The following C10orf90 variants were observed in gnomAD, a reference collection of about 807,000 sequenced individuals.
C10orf90 encodes (E2-independent) E3 ubiquitin-conjugating enzyme FATS.
C10orf90 carries 56 observed loss-of-function variants against 62.5 expected under a neutral mutation model. That is an observed-to-expected ratio of 0.90 (90% CI 0.72 to 1.12). The LOEUF (loss-of-function observed/expected upper bound fraction) is 1.12. C10orf90 is among the 50% of genes most tolerant of loss of function. C10orf90 has a pLI of 0.00. For missense variants in C10orf90, 970 were observed against 880.4 expected (o/e 1.10, Z -1.29); for synonymous variants, 386 against 340.4 (o/e 1.13, Z -1.47).
Position 126,454,059 on chromosome 10 carries a change from G to A in C10orf90, c.2188+4981C>T, listed in dbSNP as rs1590930550. The stretch of plus-strand genomic sequence containing the variant: ...CCAGGGCCAGGTTCGAGGAGCTGCA[G>A]TGGGCACAGGATACAGGCACAATTG... On this transcript the variant is annotated intron_variant, in intron 7 of 9. Transcript: ENST00000488181. Among the ~76,000 whole-genome samples, 4 of 152,174 alleles carry A rather than the reference G, an allele frequency of 2.6e-5. No individual in the cohort carries two copies. The South Asian group carries it at 8.3e-4, about 32-fold the overall frequency.
At chr10:126,487,142 CAAAAAA>C (rs1158481155) in intron 4 of C10orf90, among the ~76,000 whole-genome samples, 17 of 29,462 alleles carry the variant, frequency 5.8e-4, no homozygotes, top group South Asian at 3.9e-3. Context: ...AAAACTCTGT[CAAAAAA>C]AAAAAAAAAA....
chr10:126,448,361 T>C lies in C10orf90; in HGVS notation c.2188+10679A>G, dbSNP rs144706727. Among the ~76,000 whole-genome samples the C allele has an allele frequency of 2.3e-4, 35 of 152,172 alleles. No individual in the cohort carries two copies. In the East Asian group the frequency reaches 6.8e-3, roughly 29 times the overall value. Reference sequence around the variant, plus strand: ...AATGGAAACACAATATGCTAAAACATATGGAATGCAGCAAAAACAGTTCTA... The same window carrying C: ...AATGGAAACACAATATGCTAAAACACATGGAATGCAGCAAAAACAGTTCTA... On this transcript the variant is annotated intron_variant, in intron 7 of 9. Transcript: ENST00000488181.
chr10:126,465,745 C>T (rs1860250441), intron 4 of C10orf90, among the ~76,000 whole-genome samples: 1 of 152,144 alleles, frequency 6.6e-6, no homozygotes, highest in Admixed American at 6.5e-5. Context: ...ACCCTATGTC[C>T]ATTGATAGGG....
chr10:126,599,249 G>T (rs1270003549), intron 2 of C10orf90, among the ~76,000 whole-genome samples: 1 of 150,758 alleles, frequency 6.6e-6, no homozygotes, highest in African/African-American at 2.4e-5. Context: ...CAGTGGCGGG[G>T]ATCTCAGCTT....
chr10:126,565,426 T>TATATTATATATA lies in C10orf90; in HGVS notation c.314-51488_314-51487insTATATATAATAT, dbSNP rs1375705834. Among the ~76,000 whole-genome samples, 97 of 57,172 alleles carry TATATTATATATA rather than the reference T, an allele frequency of 1.7e-3. 1 individual carries two copies. Among genetic ancestry groups the TATATTATATATA allele is most frequent in the Middle Eastern group, 8.9e-3 (1 of 112 alleles). The allele number at this position is 57,172 out of a possible 152,430, so 37.5% of individuals were successfully genotyped here. On this transcript the variant is annotated intron_variant, in intron 2 of 9. Transcript: ENST00000488181. ...TATATATAATATATATTATATATAT[T>TATATTATATATA]ATATATATTATACACACACACACAC...
intron 1 of C10orf90, among the ~76,000 whole-genome samples, chr10:126,651,288 T>C (rs530987816): frequency 6.6e-6 from 1 of 152,276 alleles, no homozygotes; most frequent in South Asian, 2.1e-4. Flanking sequence ...TCCGAGAGTT[T>C]TTCTCCCTGG....
At chr10:126,572,856 G>A (rs890860897) in intron 2 of C10orf90, among the ~76,000 whole-genome samples, 7 of 152,050 alleles carry the variant, frequency 4.6e-5, no homozygotes, top group Admixed American at 3.9e-4. Flanking sequence ...CAACGGCAAT[G>A]TCAGGAAGTT....
intron 2 of C10orf90, among the ~76,000 whole-genome samples, chr10:126,573,025 G>A (rs189726189): frequency 2.3e-4 from 35 of 152,132 alleles, no homozygotes; most frequent in Admixed American, 2.0e-4. Flanking sequence ...GTGGCAGGAC[G>A]AGCCACAGAC....
intron 4 of C10orf90, among the ~76,000 whole-genome samples, chr10:126,480,945 A>G (rs141927110): frequency 2.2e-3 from 337 of 151,414 alleles, no homozygotes; most frequent in African/African-American, 7.8e-3. Context: ...TAAATCGCAA[A>G]CTCCTCCTGG....
chr10:126,629,843 C>G (rs1845817559), intron 2 of C10orf90, among the ~76,000 whole-genome samples: 1 of 151,336 alleles, frequency 6.6e-6, no homozygotes, highest in Non-Finnish European at 1.5e-5. Context: ...CCAGGCAGAG[C>G]AGGATTTGCT....
At chr10:126,534,242 A>G (rs775543162) in intron 2 of C10orf90, among the ~76,000 whole-genome samples, 1 of 152,036 alleles carries the variant, frequency 6.6e-6, no homozygotes, top group Non-Finnish European at 1.5e-5. Context: ...CTTGTGCCAA[A>G]CTCAGGTTTC....
intron 2 of C10orf90, among the ~76,000 whole-genome samples, chr10:126,546,013 G>A (rs959374420): frequency 2.0e-5 from 3 of 152,112 alleles, no homozygotes; most frequent in Non-Finnish European, 2.9e-5. Flanking sequence ...ATGACATGGT[G>A]ACGAATTCCC....
intron 1 of C10orf90, among the ~76,000 whole-genome samples, chr10:126,662,872 G>A (rs562261452): frequency 6.2e-5 from 9 of 145,218 alleles, no homozygotes; most frequent in Admixed American, 4.2e-4. Context: ...GGGTGCCTCC[G>A]TGCATTCTTG....
chr10:126,643,795 T>C (rs1846111792), intron 2 of C10orf90, among the ~76,000 whole-genome samples: 1 of 152,186 alleles, frequency 6.6e-6, no homozygotes, highest in African/African-American at 2.4e-5. Context: ...CCAAAGCCAC[T>C]GAGAGGGCTA....
chr10:126,579,667 CA>C (rs1253274077), intron 2 of C10orf90, among the ~76,000 whole-genome samples: 2 of 151,852 alleles, frequency 1.3e-5, no homozygotes, highest in African/African-American at 2.4e-5. Flanking sequence ...CAAAAAACAA[CA>C]GAAGTTTTTC....
chr10:126,570,092 G>T lies in C10orf90; in HGVS notation c.314-56153C>A, dbSNP rs78743796. On this transcript the variant is annotated intron_variant, in intron 2 of 9. Coordinates refer to ENST00000488181, the MANE Select transcript of C10orf90 (RefSeq NM_001350921.2). ...AAAGCAAAAATGCTCTGCGGGTGCTGGTGTTACACTGCATGCTGAGCTCTG... is the reference window on the plus strand; with the variant it reads ...AAAGCAAAAATGCTCTGCGGGTGCTTGTGTTACACTGCATGCTGAGCTCTG... Among the ~76,000 whole-genome samples the T allele has an allele frequency of 2.5e-3, 381 of 152,298 alleles. 17 individuals carry two copies. The East Asian group carries it at 0.067, about 27-fold the overall frequency.
intron 1 of C10orf90, among the ~76,000 whole-genome samples, chr10:126,665,591 A>G (rs1448373813): frequency 6.6e-6 from 1 of 152,198 alleles, no homozygotes; most frequent in Non-Finnish European, 1.5e-5. Context: ...GAGTAACCAG[A>G]CAACCGCTAG....
At chr10:126,443,927 C>T (rs764248448) in intron 7 of C10orf90, among the ~76,000 whole-genome samples, 6 of 151,780 alleles carry the variant, frequency 4.0e-5, no homozygotes, top group South Asian at 2.1e-4. Flanking sequence ...AAATGTCATA[C>T]GATCATCTCA....
intron 2 of C10orf90, among the ~76,000 whole-genome samples, chr10:126,638,284 G>A (rs537288987): frequency 6.6e-5 from 10 of 152,174 alleles, no homozygotes; most frequent in Non-Finnish European, 1.0e-4. Context: ...ATGAGCCAGG[G>A]ATGTGTGTGG....
Sources: gnomAD v4.1 joint callset for allele counts (sites outside exome capture counted in the v4.1 genomes callset) on GRCh38, gnomAD v4.1.1 for gene constraint, MANE v1.5 for transcripts, NCBI Gene and HGNC (gene_info 2026-07-23, HGNC 2026-07-21) for gene names.